The following DUSP7 variants were observed in gnomAD, a reference collection of about 807,000 sequenced individuals.
DUSP7 encodes the protein dual specificity phosphatase 7, also known as dual specificity protein phosphatase 7.
A neutral mutation model predicts 29.8 loss-of-function variants in DUSP7; 7 were observed. That is an observed-to-expected ratio of 0.24 (90% CI 0.13 to 0.44). DUSP7 has a LOEUF of 0.44. Ranked by LOEUF, DUSP7 falls within the 20% of genes least tolerant of loss-of-function variation. DUSP7 has a pLI of 1.00. For synonymous variants in DUSP7, 287 were observed against 275.4 expected, an observed-to-expected ratio of 1.04 and a Z score of -0.42; for missense variants, 400 against 583.7, an observed-to-expected ratio of 0.69 and a Z score of 3.24.
chr3:52,054,525 T>C lies in DUSP7; in HGVS notation c.518-151A>G, dbSNP rs141311225. On this transcript the variant is annotated intron_variant, in intron 1 of 2. Transcript: ENST00000495880. This position sits in a 1 kb window ranked among gnomAD's most constrained non-coding sequence, Gnocchi z 4.1. Reference sequence around the variant, plus strand: ...TGCCAAGCATGTTACACGTGTGCCCTCTCTCGTGTTCTCTCCATCTAAACC... The same window carrying C: ...TGCCAAGCATGTTACACGTGTGCCCCCTCTCGTGTTCTCTCCATCTAAACC... 1,422 of 603,360 alleles carry C rather than the reference T, an allele frequency of 2.4e-3. 21 individuals are homozygous for C. The highest frequency in any genetic ancestry group is 0.023 in the African/African-American group (1,272 of 54,240). 37.4% of individuals were successfully genotyped at this position (603,360 alleles called of 1,614,324 possible).
At position 52,056,089 on chromosome 3, in the gene DUSP7, T is replaced by C. The variant is rs993267159; in HGVS notation, c.278A>G (p.Asn93Ser). The change falls in exon 1 of 3, where the codon AAC (asparagine) becomes AGC (serine). Residue 93 changes from asparagine (N) to serine (S), a missense_variant. By Grantham distance (46) the Asn-to-Ser change is conservative (BLOSUM62 1). Transcript: ENST00000495880. The surrounding 1 kb of genome is among the most constrained non-coding windows in gnomAD (Gnocchi z 6.4). ...FESSHIETAI[N>S]LAIPGLMLRR... is the part of the protein sequence containing the mutation. Reference sequence around the variant, plus strand: ...CAACATGAGGCCCGGGATGGCCAGGTTGATGGCCGTCTCGATGTGCGACGA... The same window carrying C: ...CAACATGAGGCCCGGGATGGCCAGGCTGATGGCCGTCTCGATGTGCGACGA... The C allele has an allele frequency of 1.2e-6, 2 of 1,608,218 alleles. No homozygotes were observed. Among genetic ancestry groups the C allele is most frequent in the Non-Finnish European group, 8.5e-7 (1 of 1,178,408 alleles).
In DUSP7 at chr3:52,056,082, G is replaced by A; in HGVS notation, c.285C>T (p.Ala95=). The change falls in exon 1 of 3, where the codon GCC becomes GCT. Residue 95 remains alanine, a synonymous_variant. Coordinates refer to ENST00000495880, the MANE Select transcript of DUSP7 (RefSeq NM_001947.4). The surrounding 1 kb of genome is among the most constrained non-coding windows in gnomAD (Gnocchi z 6.4). ...SSHIETAINL[A]IPGLMLRRLR... ...GGCGGCGCAACATGAGGCCCGGGAT[G>A]GCCAGGTTGATGGCCGTCTCGATGT... 6.2e-7 allele frequency: 1 copy of A among 1,607,632 alleles called. No homozygotes were observed. The highest frequency in any genetic ancestry group is 1.1e-5 in the South Asian group (1 of 90,266).
rs752151137 is a variant in DUSP7, at chr3:52,055,813, G to A, written c.517+37C>T. The A allele has an allele frequency of 4.1e-5, 61 of 1,488,038 alleles. 2 individuals carry two copies. The highest frequency in any genetic ancestry group is 4.5e-4 in the Middle Eastern group (2 of 4,452). 92.2% of individuals were successfully genotyped at this position (1,488,038 alleles called of 1,614,324 possible). A position where few individuals can be genotyped will look rare whatever the true frequency, so the allele number is the denominator to read the frequency against. Reference sequence around the variant, plus strand: ...GGGGGCGTCAGGGAGTCGCGGGGGGGCCCCGATCCCGTAAGGCGTCTCGGT... The same window carrying A: ...GGGGGCGTCAGGGAGTCGCGGGGGGACCCCGATCCCGTAAGGCGTCTCGGT... On this transcript the variant is annotated intron_variant, in intron 1 of 2. Transcript: ENST00000495880.
At position 52,048,977 on chromosome 3, in the gene DUSP7, G is replaced by GATAT. The variant is rs138760384; in HGVS notation, c.*1834_*1837dup. 6.6e-6 allele frequency: 1 copy of GATAT among 150,776 alleles called. No individual in the cohort carries two copies. Among genetic ancestry groups the GATAT allele is most frequent in the African/African-American group, 2.4e-5 (1 of 41,086 alleles). 9.3% of individuals were successfully genotyped at this position (150,776 alleles called of 1,614,324 possible). ...AAACAAAGTCCCGTTGTTGGTTCGG[G>GATAT]ATATATATATATATGTATGTGTGTG... On this transcript the variant is annotated 3_prime_UTR_variant, in exon 3 of 3. Coordinates refer to ENST00000495880, the MANE Select transcript of DUSP7 (RefSeq NM_001947.4).
Position 52,050,829 on chromosome 3 carries a change from G to T in DUSP7, c.1246C>A (p.Leu416Met), listed in dbSNP as rs1701838720. The change falls in exon 3 of 3, where the codon CTG becomes ATG. Residue 416 changes from leucine to methionine, a missense_variant. Coordinates refer to ENST00000495880, the MANE Select transcript of DUSP7 (RefSeq NM_001947.4). This position sits in a 1 kb window ranked among gnomAD's most constrained non-coding sequence, Gnocchi z 5.0. ...TGCACCAGGCCTCACGTGGACTCCA[G>T]CGTATTGAGTGGGAACAGGTTGTGG... Reference protein sequence around the residue: ...TNHNLFPLNTLEST With the variant: ...TNHNLFPLNTMEST 1.2e-6 allele frequency: 2 copies of T among 1,611,962 alleles called. No individual in the cohort carries two copies. Among genetic ancestry groups the T allele is most frequent in the Non-Finnish European group, 1.7e-6 (2 of 1,178,170 alleles).
rs1438096139 is a variant in DUSP7, at chr3:52,055,930, TC to T, written c.436del (p.Glu146SerfsTer194). 1 of 1,541,232 alleles carries T rather than the reference TC, an allele frequency of 6.5e-7. No homozygotes were observed. Among genetic ancestry groups the T allele is most frequent in the Non-Finnish European group, 8.7e-7 (1 of 1,145,052 alleles). On this transcript the variant is annotated frameshift_variant, in exon 1 of 3. Coordinates refer to ENST00000495880, the MANE Select transcript of DUSP7 (RefSeq NM_001947.4). LOFTEE classifies it high-confidence loss of function. ...GAGCACGGAGGCGGGAGCGCCGGGC[TC>T]GGGCTGCCACTCGGCCGTGGCCTCG... ...YDEATAEWQPEPGAPASVLGL... is the reference protein window; with the variant it reads ...YDEATAEWQPXPGAPASVLGL...
intron 2 of DUSP7, chr3:52,052,499 G>A (rs1559797262): frequency 6.6e-6 from 1 of 152,352 alleles, no homozygotes; most frequent in Non-Finnish European, 1.5e-5. Flanking sequence ...CCTCGAGATT[G>A]GGGGTGGGAA....
chr3:52,050,965 G>A lies in DUSP7; in HGVS notation c.1110C>T (p.Pro370=), dbSNP rs926193529. ...FVKRKKSNIS[P]NFNFMGQLLD... ...GCAGCTGCCCCATGAAGTTGAAGTTGGGCGAGATGTTGGACTTTTTCCTCT... is the reference window on the plus strand; with the variant it reads ...GCAGCTGCCCCATGAAGTTGAAGTTAGGCGAGATGTTGGACTTTTTCCTCT... The change falls in exon 3 of 3, where the codon CCC becomes CCT. Residue 370 remains proline (P), a synonymous_variant. Transcript: ENST00000495880. This position sits in a 1 kb window ranked among gnomAD's most constrained non-coding sequence, Gnocchi z 5.0. 1.2e-6 allele frequency: 2 copies of A among 1,614,242 alleles called. No individual in the cohort carries two copies. The highest frequency in any genetic ancestry group is 1.3e-5 in the African/African-American group (1 of 75,068).
Position 52,054,104 on chromosome 3 carries a change from A to T in DUSP7, c.788T>A (p.Leu263Gln). ...YLGCAKDSTNLDVLGKYGIKY... is the reference protein window; with the variant it reads ...YLGCAKDSTNQDVLGKYGIKY... ...GATGCCATACTTGCCGAGCACGTCC[A>T]GGTTGGTGGAGTCCTTGGCGCAGCC... The change falls in exon 2 of 3, where the codon CTG becomes CAG. Residue 263 changes from leucine to glutamine, a missense_variant. By Grantham distance (113) the Leu-to-Gln change is moderately radical. This residue lies in a region of DUSP7 where 223 missense variants were observed against 360.9 expected (regional missense o/e 0.62). Transcript: ENST00000495880. The surrounding 1 kb of genome is among the most constrained non-coding windows in gnomAD (Gnocchi z 4.1). 1 of 1,614,214 alleles carries T rather than the reference A, an allele frequency of 6.2e-7. No individual in the cohort carries two copies. The highest frequency in any genetic ancestry group is 8.5e-7 in the Non-Finnish European group (1 of 1,180,038).
chr3:52,051,031 C>T lies in DUSP7; in HGVS notation c.1044G>A (p.Gln348=), dbSNP rs1234896041. 2 of 1,614,274 alleles carry T rather than the reference C, an allele frequency of 1.2e-6. No individual in the cohort carries two copies. The highest frequency in any genetic ancestry group is 2.2e-5 in the East Asian group (1 of 44,892). ...SVTVTVAYLM[Q]KMNLSLNDAY... is the part of the protein sequence containing the mutation. ...CGTCGTTGAGTGACAGGTTCATCTT[C>T]TGCATCAGATAGGCCACAGTGACCG... is the stretch of plus-strand genomic sequence containing the variant. The change falls in exon 3 of 3, where the codon CAG becomes CAA. Residue 348 remains glutamine (Q), a synonymous_variant. Transcript: ENST00000495880. This position sits in a 1 kb window ranked among gnomAD's most constrained non-coding sequence, Gnocchi z 4.8.
Position 52,054,918 on chromosome 3 carries a change from T to A in DUSP7, c.518-544A>T, listed in dbSNP as rs1157916456. 6.6e-6 allele frequency among the ~76,000 whole-genome samples: 1 copy of A among 152,244 alleles called. No homozygotes were observed. Among genetic ancestry groups the A allele is most frequent in the African/African-American group, 2.4e-5 (1 of 41,540 alleles). ...GGTTGCCCAGCCCCGAAACTACAGC[T>A]GGGGAGGGTAGTGGGAAGGTACTGG... On this transcript the variant is annotated intron_variant, in intron 1 of 2. Transcript: ENST00000495880. This position sits in a 1 kb window ranked among gnomAD's most constrained non-coding sequence, Gnocchi z 4.1.
chr3:52,052,414 T>C (rs866415282), intron 2 of DUSP7: 2 of 152,144 alleles, frequency 1.3e-5, no homozygotes, highest in Non-Finnish European at 2.9e-5. Flanking sequence ...GGGGGCCCCA[T>C]GGCTAAGGCA....
chr3:52,051,760 A>G lies in DUSP7; in HGVS notation c.953-638T>C, dbSNP rs888807342. The G allele has an allele frequency of 6.6e-6, 1 of 152,614 alleles. No homozygotes were observed. The highest frequency in any genetic ancestry group is 1.5e-5 in the Non-Finnish European group (1 of 68,258). 9.5% of individuals were successfully genotyped at this position (152,614 alleles called of 1,614,324 possible). ...GAGGGAGGCTCCTCTGGAAGGAAGT[A>G]GGTGGCCTGGCCCTGCATTTCGCTC... On this transcript the variant is annotated intron_variant, in intron 2 of 2. Coordinates refer to ENST00000495880, the MANE Select transcript of DUSP7 (RefSeq NM_001947.4). This position sits in a 1 kb window ranked among gnomAD's most constrained non-coding sequence, Gnocchi z 4.8.
At position 52,054,994 on chromosome 3, in the gene DUSP7, A is replaced by G. The variant is rs1473628728; in HGVS notation, c.518-620T>C. ...GGTTTTTGAAGGGGGTCCTGGCTCC[A>G]CTTCTCTAGAACCCTCCCTTAGAAC... On this transcript the variant is annotated intron_variant, in intron 1 of 2. Coordinates refer to ENST00000495880, the MANE Select transcript of DUSP7 (RefSeq NM_001947.4). This position sits in a 1 kb window ranked among gnomAD's most constrained non-coding sequence, Gnocchi z 4.1. 6.6e-6 allele frequency among the ~76,000 whole-genome samples: 1 copy of G among 152,070 alleles called. No individual in the cohort carries two copies. Among genetic ancestry groups the G allele is most frequent in the East Asian group, 1.9e-4 (1 of 5,188 alleles).
chr3:52,054,160 G>A lies in DUSP7; in HGVS notation c.732C>T (p.Phe244=). 6.2e-7 allele frequency: 1 copy of A among 1,614,166 alleles called. No homozygotes were observed. The highest frequency in any genetic ancestry group is 8.5e-7 in the Non-Finnish European group (1 of 1,180,026). The change falls in exon 2 of 3, where the codon TTC becomes TTT. Residue 244 remains phenylalanine (F), a synonymous_variant. Coordinates refer to ENST00000495880, the MANE Select transcript of DUSP7 (RefSeq NM_001947.4). This position sits in a 1 kb window ranked among gnomAD's most constrained non-coding sequence, Gnocchi z 4.1. The part of the protein sequence containing the change: ...GSPVPSSQPA[F]PVQILPYLYL... ...AGAGGTAGGGCAGGATCTGGACAGG[G>A]AAGGCTGGTTGGCTGGATGGCACAG...
rs1212029757 is a variant in DUSP7 at position 52,053,855 on chromosome 3, G to A, written c.952+85C>T. The A allele has an allele frequency of 5.4e-6, 8 of 1,477,054 alleles. No individual in the cohort carries two copies. The East Asian group carries it at 1.1e-4, about 21-fold the overall frequency. 91.5% of individuals were successfully genotyped at this position (1,477,054 alleles called of 1,614,324 possible). A position where few individuals can be genotyped will look rare whatever the true frequency, so the allele number is the denominator to read the frequency against. On this transcript the variant is annotated intron_variant, in intron 2 of 2. Coordinates refer to ENST00000495880, the MANE Select transcript of DUSP7 (RefSeq NM_001947.4). This position sits in a 1 kb window ranked among gnomAD's most constrained non-coding sequence, Gnocchi z 4.6. ...CACACAGGTCTCAACAGGCCCAGAG[G>A]TACCCAGTCAGGCGGGGGCGCCACC...
chr3:52,054,329 G>T lies in DUSP7; in HGVS notation c.563C>A (p.Thr188Asn). 6.4e-7 allele frequency: 1 copy of T among 1,564,478 alleles called. No individual in the cohort carries two copies. Among genetic ancestry groups the T allele is most frequent in the Non-Finnish European group, 8.7e-7 (1 of 1,154,798 alleles). ...CGGCGAGGAAGAGCTGTCCACGTTG[G>T]TCTCGCAGTGCTCAGAGTACTCTGT... Reference protein sequence around the residue: ...FQTEYSEHCETNVDSSSSPSS... With the variant: ...FQTEYSEHCENNVDSSSSPSS... Residue 188 changes from threonine (T) to asparagine (N), a missense_variant, in exon 2 of 3, where the codon ACC becomes AAC. Thr to Asn is a moderately conservative substitution (Grantham distance 65). Around this residue, in one of 4 missense-constraint regions of DUSP7, gnomAD observed 223 missense variants for 360.9 expected, o/e 0.62. Transcript: ENST00000495880. This position sits in a 1 kb window ranked among gnomAD's most constrained non-coding sequence, Gnocchi z 4.1.
At position 52,049,491 on chromosome 3, in the gene DUSP7, C is replaced by T. The variant is rs565859405; in HGVS notation, c.*1324G>A. ...GGTCCATCCTTGCCCCACTTGCCCC[C>T]GCCCTAGGGTTGAAATGGGTGCAAG... On this transcript the variant is annotated 3_prime_UTR_variant, in exon 3 of 3. Transcript: ENST00000495880. The T allele has an allele frequency of 2.5e-4, 38 of 152,436 alleles. No homozygotes were observed. The highest frequency in any genetic ancestry group is 8.7e-4 in the African/African-American group (36 of 41,574). 9.4% of individuals were successfully genotyped at this position (152,436 alleles called of 1,614,324 possible).
intron 2 of DUSP7, chr3:52,052,661 CACT>C (rs1701858282): frequency 6.6e-6 from 1 of 152,348 alleles, no homozygotes; most frequent in South Asian, 2.1e-4. Context: ...GATCCTGTCC[CACT>C]GACTCCTAAG....
Sources: gnomAD v4.1 joint callset for allele counts (sites outside exome capture counted in the v4.1 genomes callset) on GRCh38, gnomAD v4.1.1 for gene constraint, gnomAD v4.1.1 regional missense constraint, Gnocchi (gnomAD v3.1) non-coding constraint, MANE v1.5 for transcripts, NCBI Gene and HGNC (gene_info 2026-07-23, HGNC 2026-07-21) for gene names.